The following AK5 variants were observed in gnomAD, a reference collection of about 807,000 sequenced individuals.
The protein encoded by AK5 is adenylate kinase isoenzyme 5.
AK5 carries 27 observed loss-of-function variants against 69.5 expected under a neutral mutation model. That is an observed-to-expected ratio of 0.39 (90% CI 0.29 to 0.54). The LOEUF (loss-of-function observed/expected upper bound fraction) is 0.54, where lower values mean the gene tolerates loss of function less well. Ranked by LOEUF, AK5 falls within the 20% of genes least tolerant of loss-of-function variation. The pLI, the probability that AK5 is intolerant of heterozygous loss-of-function variation, is 0.71. For missense variants in AK5, 531 were observed against 700.4 expected (o/e 0.76, Z 2.73); for synonymous variants, 260 against 244.4 (o/e 1.06, Z -0.60).
chr1:77,403,989 A>T (rs1471324188), intron 6 of AK5, among the ~76,000 whole-genome samples: 2 of 152,104 alleles, frequency 1.3e-5, no homozygotes, highest in Non-Finnish European at 2.9e-5. Flanking sequence ...AGTGGTTTGT[A>T]GTTCTCCTTG....
At chr1:77,370,896 T>A (rs1647109589) in intron 6 of AK5, among the ~76,000 whole-genome samples, 1 of 152,202 alleles carries the variant, frequency 6.6e-6, no homozygotes, top group Admixed American at 6.5e-5. Flanking sequence ...CTGAAGTTAT[T>A]CTGGCTGTCC....
intron 8 of AK5, among the ~76,000 whole-genome samples, chr1:77,460,882 C>T (rs1653791687): frequency 6.6e-6 from 1 of 151,866 alleles, no homozygotes; most frequent in Admixed American, 6.6e-5. Context: ...TACCACCATG[C>T]CTGGCTAATT....
chr1:77,322,835 C>A (rs1660604273), intron 5 of AK5, among the ~76,000 whole-genome samples: 1 of 151,990 alleles, frequency 6.6e-6, no homozygotes, highest in Non-Finnish European at 1.5e-5. Context: ...AAGTTAGATC[C>A]CAAAATGCTC....
At chr1:77,283,049 G>A in intron 1 of AK5, 1 of 985,610 alleles carries the variant, frequency 1.0e-6, no homozygotes, top group Non-Finnish European at 1.2e-6. Context: ...ATAGCGGGTC[G>A]GGGAGGGAGC....
At chr1:77,485,174 T>A (rs1403302816) in intron 9 of AK5, among the ~76,000 whole-genome samples, 1 of 152,240 alleles carries the variant, frequency 6.6e-6, no homozygotes, top group African/African-American at 2.4e-5. Context: ...CATGGGTTAT[T>A]CTGTAAAGAG....
At chr1:77,411,614 CT>C (rs1650050229) in intron 7 of AK5, among the ~76,000 whole-genome samples, 1 of 152,152 alleles carries the variant, frequency 6.6e-6, no homozygotes, top group Non-Finnish European at 1.5e-5. Context: ...CCTGACCCCC[CT>C]CTCATTCTCT....
At chr1:77,472,438 A>G (rs1189858692) in intron 8 of AK5, among the ~76,000 whole-genome samples, 1 of 152,164 alleles carries the variant, frequency 6.6e-6, no homozygotes, top group Non-Finnish European at 1.5e-5. Flanking sequence ...TCTTTCTCCC[A>G]AAGTCCCCCA....
chr1:77,392,825 T>C (rs762720257), intron 6 of AK5, among the ~76,000 whole-genome samples: 2 of 152,142 alleles, frequency 1.3e-5, no homozygotes, highest in Non-Finnish European at 2.9e-5. Flanking sequence ...GTTAATGTCA[T>C]TGTTGTAGTT....
intron 8 of AK5, among the ~76,000 whole-genome samples, chr1:77,444,761 G>T (rs946427813): frequency 4.6e-4 from 67 of 146,926 alleles, no homozygotes; most frequent in Non-Finnish European, 6.6e-4. Context: ...GTAGAGATTG[G>T]GGGGAGGGTC....
intron 8 of AK5, among the ~76,000 whole-genome samples, chr1:77,428,168 A>G (rs1455181160): frequency 1.3e-5 from 2 of 152,258 alleles, no homozygotes; most frequent in Non-Finnish European, 2.9e-5. Context: ...TCTGGACTCC[A>G]TTAAAATGTA....
chr1:77,445,328 T>C (rs1167755964), intron 8 of AK5, among the ~76,000 whole-genome samples: 2 of 152,164 alleles, frequency 1.3e-5, no homozygotes, highest in Non-Finnish European at 2.9e-5. Context: ...TCCTAACAAG[T>C]GTGAAGTGGT....
intron 5 of AK5, among the ~76,000 whole-genome samples, chr1:77,326,359 AAGTGTTAGCTTCT>A (rs1660804517): frequency 6.6e-6 from 1 of 152,178 alleles, no homozygotes; most frequent in African/African-American, 2.4e-5. Context: ...TCTTCTTTTG[AAGTGTTAGCTTCT>A]TTCAGCTACG....
At chr1:77,309,714 A>G (rs1659840435) in intron 5 of AK5, among the ~76,000 whole-genome samples, 1 of 152,148 alleles carries the variant, frequency 6.6e-6, no homozygotes, top group African/African-American at 2.4e-5. Flanking sequence ...TCAAATTACT[A>G]GTGAACTGAA....
intron 5 of AK5, among the ~76,000 whole-genome samples, chr1:77,305,336 T>A (rs765333256): frequency 1.3e-5 from 2 of 152,152 alleles, no homozygotes; most frequent in Non-Finnish European, 2.9e-5. Flanking sequence ...GCTTTTAAAT[T>A]TGATGTGATC....
At chr1:77,299,794 A>G (rs2815314) in intron 5 of AK5, among the ~76,000 whole-genome samples, 26,272 of 151,928 alleles carry the variant, frequency 0.17, 2,474 homozygotes, top group Non-Finnish European at 0.2. Context: ...TCCCACCCAC[A>G]TATTGAATGT....
intron 8 of AK5, among the ~76,000 whole-genome samples, chr1:77,434,827 A>G (rs949907863): frequency 1.3e-5 from 2 of 152,194 alleles, no homozygotes; most frequent in South Asian, 2.1e-4. Context: ...ATCAGACACA[A>G]GAAGAGTGGG....
At chr1:77,519,728 T>C (rs979326355) in intron 11 of AK5, among the ~76,000 whole-genome samples, 2 of 152,238 alleles carry the variant, frequency 1.3e-5, no homozygotes, top group African/African-American at 4.8e-5. Flanking sequence ...GACATTGCTG[T>C]GGCATTTGTA....
chr1:77,475,354 A>G (rs1385180401), intron 8 of AK5, among the ~76,000 whole-genome samples: 2 of 118,750 alleles, frequency 1.7e-5, no homozygotes, highest in African/African-American at 6.7e-5. Flanking sequence ...ATATACATAT[A>G]TATTATATAT....
intron 13 of AK5, among the ~76,000 whole-genome samples, chr1:77,557,552 A>G (rs1315873245): frequency 6.6e-6 from 1 of 152,128 alleles, no homozygotes; most frequent in African/African-American, 2.4e-5. Flanking sequence ...GCTTCCCTTC[A>G]TATGTCCTCC....
Sources: gnomAD v4.1 joint callset for allele counts (sites outside exome capture counted in the v4.1 genomes callset) on GRCh38, gnomAD v4.1.1 for gene constraint, MANE v1.5 for transcripts, NCBI Gene and HGNC (gene_info 2026-07-23, HGNC 2026-07-21) for gene names.